The following CCND2 variants were observed in gnomAD, a reference collection of about 807,000 sequenced individuals.
CCND2 encodes G1/S-specific cyclin-D2.
In CCND2, 6 loss-of-function variants were observed where a neutral mutation model predicts 30.2. The observed-to-expected ratio is 0.20, with a 90% CI of 0.11 to 0.39. The LOEUF is 0.39. Among genes scored for constraint, CCND2 ranks in the 10% least tolerant of loss-of-function variants. CCND2 has a pLI of 1.00. For missense variants in CCND2, 235 were observed against 373.4 expected (o/e 0.63, Z 3.06); for synonymous variants, 150 against 153.1 (o/e 0.98, Z 0.15).
In CCND2 at chr12:4,283,542, T is replaced by C. The variant is rs183711385; in HGVS notation, c.571+4623T>C. ...GATCACTTCATCTCCCAAGACTTCA[T>C]TGATTCACCTGTAAAAGGAGATGTT... On this transcript the variant is annotated intron_variant, in intron 3 of 4. Coordinates refer to ENST00000261254, the MANE Select transcript of CCND2 (RefSeq NM_001759.4). 1.8e-3 allele frequency among the ~76,000 whole-genome samples: 279 copies of C among 152,360 alleles called. 1 individual carries two copies. Among genetic ancestry groups the C allele is most frequent in the Non-Finnish European group, 3.1e-3 (214 of 68,028 alleles).
chr12:4,278,703 A>G, intron 2 of CCND2, 57 bp from the exon 3 acceptor site: 1 of 1,586,788 alleles, frequency 6.3e-7, no homozygotes, highest in South Asian at 1.1e-5. Flanking sequence ...AGCCCCCTAC[A>G]CCAGGTCAGC....
chr12:4,300,082 C>A lies in CCND2; in HGVS notation c.*73C>A. On this transcript the variant is annotated 3_prime_UTR_variant, in exon 5 of 5. Coordinates refer to ENST00000261254, the MANE Select transcript of CCND2 (RefSeq NM_001759.4). Reference sequence around the variant, plus strand: ...CTTCTTCTTTCTGGTTGTTTTTGTTCTTTGTGTTTTAGGGTGAAACTTAAA... The same window carrying A: ...CTTCTTCTTTCTGGTTGTTTTTGTTATTTGTGTTTTAGGGTGAAACTTAAA... The A allele has an allele frequency of 6.9e-7, 1 of 1,452,888 alleles. No individual in the cohort carries two copies. Among genetic ancestry groups the A allele is most frequent in the South Asian group, 1.4e-5 (1 of 72,810 alleles). 90.0% of individuals were successfully genotyped at this position (1,452,888 alleles called of 1,614,324 possible).
At chr12:4,291,628 AGT>A (rs1259866497) in intron 4 of CCND2, among the ~76,000 whole-genome samples, 9 of 152,232 alleles carry the variant, frequency 5.9e-5, no homozygotes, top group Non-Finnish European at 1.3e-4. Context: ...CCCTAAATGC[AGT>A]AGGAAATCAA....
In CCND2 at chr12:4,278,918, C is replaced by A. The variant is rs3217805; in HGVS notation, c.570C>A (p.Thr190=). Residue 190 remains threonine, a splice_region_variant and synonymous_variant, in exon 3 of 5, where the codon ACC becomes ACA. Transcript: ENST00000261254. ...AGACCTTCATTGCTCTGTGTGCCAC[C>A]GGTAAGATGAGGCTTGAGCCGGGGA... ...HAQTFIALCA[T]DFKFAMYPPS... 2 of 1,608,828 alleles carry A rather than the reference C, an allele frequency of 1.2e-6. No individual in the cohort carries two copies. Among genetic ancestry groups the A allele is most frequent in the Non-Finnish European group, 1.7e-6 (2 of 1,176,622 alleles).
intron 4 of CCND2, among the ~76,000 whole-genome samples, chr12:4,291,221 G>GTGTGTGTGTGTGTGTGTGTGTGTGTGTT (rs1248241238): frequency 6.6e-6 from 1 of 151,674 alleles, no homozygotes; most frequent in South Asian, 2.1e-4. Context: ...GTGTGTGTGT[G>GTGTGTGTGTGTGTGTGTGTGTGTGTGTT]TGTGTGTGTG....
intron 3 of CCND2, among the ~76,000 whole-genome samples, chr12:4,283,440 C>T (rs985574787): frequency 4.6e-5 from 7 of 152,180 alleles, no homozygotes; most frequent in Non-Finnish European, 8.8e-5. Context: ...CAGTAAGTTA[C>T]GAAGAGCTCT....
rs182055112 is a variant in CCND2 at position 4,285,850 on chromosome 12, T to C, written c.572-2992T>C. Among the ~76,000 whole-genome samples, 6 of 152,214 alleles carry C rather than the reference T, an allele frequency of 3.9e-5. No homozygotes were observed. Among genetic ancestry groups the C allele is most frequent in the African/African-American group, 1.4e-4 (6 of 41,544 alleles). ...GTAGAGAGGGGGATGTCCTTGAGAG[T>C]GGTCCTGGGGCAGCCCTGGTGCCAC... On this transcript the variant is annotated intron_variant, in intron 3 of 4. Transcript: ENST00000261254. The surrounding 1 kb of genome is among the most constrained non-coding windows in gnomAD (Gnocchi z 4.1).
rs772799857 is a variant in CCND2, at chr12:4,300,043, C to T, written c.*34C>T. On this transcript the variant is annotated 3_prime_UTR_variant, in exon 5 of 5. Transcript: ENST00000261254. Reference sequence around the variant, plus strand: ...GTTGGGCCGAAAGAGAGAGACGCGTCCATAATCTGGTCTCTTCTTCTTTCT... The same window carrying T: ...GTTGGGCCGAAAGAGAGAGACGCGTTCATAATCTGGTCTCTTCTTCTTTCT... 18 of 1,592,926 alleles carry T rather than the reference C, an allele frequency of 1.1e-5. No homozygotes were observed. In the South Asian group the frequency reaches 1.7e-4, roughly 15 times the overall value.
At position 4,274,529 on chromosome 12, in the gene CCND2, C is replaced by T. The variant is rs374938078; in HGVS notation, c.195+294C>T. On this transcript the variant is annotated intron_variant, in intron 1 of 4. Coordinates refer to ENST00000261254, the MANE Select transcript of CCND2 (RefSeq NM_001759.4). The surrounding 1 kb of genome is among the most constrained non-coding windows in gnomAD (Gnocchi z 7.7). ...ATGTGGCTGCCTCTTCTTCCCACCC[C>T]CCTCGCGACCTGTCTTTTGCGAAGC... Among the ~76,000 whole-genome samples, 2 of 152,202 alleles carry T rather than the reference C, an allele frequency of 1.3e-5. No homozygotes were observed. The highest frequency in any genetic ancestry group is 4.8e-5 in the African/African-American group (2 of 41,444).
rs71061177 is a variant in CCND2 at position 4,297,570 on chromosome 12, CAAAAAAAAAAAA to C, written c.721-2274_721-2263del. Among the ~76,000 whole-genome samples, 59 of 74,752 alleles carry C rather than the reference CAAAAAAAAAAAA, an allele frequency of 7.9e-4. 2 individuals carry two copies. Among genetic ancestry groups the C allele is most frequent in the Middle Eastern group, 0.012 (2 of 166 alleles). The allele number at this position is 74,752 out of a possible 152,430, so 49.0% of individuals were successfully genotyped here. A position where few individuals can be genotyped will look rare whatever the true frequency, so the allele number is the denominator to read the frequency against. ...TGGGCGACAGAGCAACACTCTGTCT[CAAAAAAAAAAAA>C]AAAAAAAAAAAAAAACAGAAAAGAA... On this transcript the variant is annotated intron_variant, in intron 4 of 4. Coordinates refer to ENST00000261254, the MANE Select transcript of CCND2 (RefSeq NM_001759.4).
In CCND2 at chr12:4,273,919, C is replaced by A; in HGVS notation, c.-122C>A. 2 of 946,730 alleles carry A rather than the reference C, an allele frequency of 2.1e-6. No homozygotes were observed. Among genetic ancestry groups the A allele is most frequent in the Non-Finnish European group, 3.1e-6 (2 of 646,862 alleles). The allele number at this position is 946,730 out of a possible 1,614,324, so 58.6% of individuals were successfully genotyped here. On this transcript the variant is annotated 5_prime_UTR_variant, in exon 1 of 5. Coordinates refer to ENST00000261254, the MANE Select transcript of CCND2 (RefSeq NM_001759.4). The surrounding 1 kb of genome is among the most constrained non-coding windows in gnomAD (Gnocchi z 5.9). ...GCCCTCACCTCTCCCCCGAAAACCC[C>A]CTATTTAGCCAAAGGAAGGAGGTCA...
rs1864039488 is a variant in CCND2, at chr12:4,287,439, G to A, written c.572-1403G>A. Among the ~76,000 whole-genome samples the A allele has an allele frequency of 1.3e-5, 2 of 152,146 alleles. No individual in the cohort carries two copies. The highest frequency in any genetic ancestry group is 6.5e-5 in the Admixed American group (1 of 15,272). On this transcript the variant is annotated intron_variant, in intron 3 of 4. Transcript: ENST00000261254. This position sits in a 1 kb window ranked among gnomAD's most constrained non-coding sequence, Gnocchi z 4.0. The stretch of plus-strand genomic sequence containing the variant: ...TTGTTTTTGCTGTAAGTTGAAGGGT[G>A]ACCCACGGTTCCCTGTATGCTGTGT...
At chr12:4,286,650 T>C (rs537678566) in intron 3 of CCND2, among the ~76,000 whole-genome samples, 9 of 152,306 alleles carry the variant, frequency 5.9e-5, no homozygotes, top group African/African-American at 2.2e-4. Flanking sequence ...TTGGACAGTG[T>C]CCCCAAGAGG....
chr12:4,296,380 C>T (rs901957327), intron 4 of CCND2, among the ~76,000 whole-genome samples: 1 of 152,260 alleles, frequency 6.6e-6, no homozygotes, highest in African/African-American at 2.4e-5. Context: ...TCCACAGGAA[C>T]TGCGACTTGG....
intron 4 of CCND2, 191 bp downstream of exon 4, chr12:4,289,181 T>A: frequency 6.1e-6 from 1 of 163,382 alleles, no homozygotes; most frequent in South Asian, 1.2e-4. Context: ...CACGGGAAAA[T>A]ACGGAAGAAA....
At chr12:4,294,483 C>G (rs1864141133) in intron 4 of CCND2, among the ~76,000 whole-genome samples, 1 of 152,208 alleles carries the variant, frequency 6.6e-6, no homozygotes, top group Non-Finnish European at 1.5e-5. Context: ...AGCCGCCACA[C>G]TTGACATGCG....
chr12:4,276,372 TA>T lies in CCND2; in HGVS notation c.411+154del. On this transcript the variant is annotated intron_variant, in intron 2 of 4. Transcript: ENST00000261254. The surrounding 1 kb of genome is among the most constrained non-coding windows in gnomAD (Gnocchi z 4.8). ...ACCCACTTATGGGCGATAGCTCATTTAATAGGAAACCACTGTTTATTTTTTG... is the reference window on the plus strand; with the variant it reads ...ACCCACTTATGGGCGATAGCTCATTTATAGGAAACCACTGTTTATTTTTTG... 3.1e-6 allele frequency: 2 copies of T among 651,004 alleles called. No individual in the cohort carries two copies. Among genetic ancestry groups the T allele is most frequent in the Non-Finnish European group, 5.2e-6 (2 of 381,516 alleles). 40.3% of individuals were successfully genotyped at this position (651,004 alleles called of 1,614,324 possible). A position where few individuals can be genotyped will look rare whatever the true frequency, so the allele number is the denominator to read the frequency against.
At position 4,274,352 on chromosome 12, in the gene CCND2, C is replaced by T. The variant is rs1565430819; in HGVS notation, c.195+117C>T. On this transcript the variant is annotated intron_variant, in intron 1 of 4. Coordinates refer to ENST00000261254, the MANE Select transcript of CCND2 (RefSeq NM_001759.4). The surrounding 1 kb of genome is among the most constrained non-coding windows in gnomAD (Gnocchi z 7.7). ...CCGCGCCGGCCTCCCGGCTCCTGTGCGGGAGTTTACCGCGCGCCTTCTGGC... is the reference window on the plus strand; with the variant it reads ...CCGCGCCGGCCTCCCGGCTCCTGTGTGGGAGTTTACCGCGCGCCTTCTGGC... 3.7e-6 allele frequency: 4 copies of T among 1,084,972 alleles called. 1 individual carries two copies. The South Asian group carries it at 4.4e-5, about 12-fold the overall frequency. The allele number at this position is 1,084,972 out of a possible 1,614,324, so 67.2% of individuals were successfully genotyped here. A position where few individuals can be genotyped will look rare whatever the true frequency, so the allele number is the denominator to read the frequency against.
intron 4 of CCND2, among the ~76,000 whole-genome samples, chr12:4,290,021 G>A (rs1864076524): frequency 6.6e-6 from 1 of 152,184 alleles, no homozygotes; most frequent in Non-Finnish European, 1.5e-5. Flanking sequence ...AGAATGCTGG[G>A]CACTTCACGA....
Sources: allele counts gnomAD v4.1 joint callset (sites outside exome capture counted in the v4.1 genomes callset), GRCh38; gene constraint gnomAD v4.1.1; non-coding constraint Gnocchi (gnomAD v3.1); transcripts MANE v1.5; gene names NCBI Gene and HGNC (gene_info 2026-07-23, HGNC 2026-07-21).